DNAH9: variants seen among roughly 807,000 people sequenced by gnomAD.
The protein encoded by DNAH9 is dynein axonemal heavy chain 9.
In DNAH9, 345 loss-of-function variants were observed where a neutral mutation model predicts 471.6. That is an observed-to-expected ratio of 0.73 (90% CI 0.67 to 0.80). DNAH9 has a LOEUF of 0.80. Among genes scored for constraint, DNAH9 ranks in the 30% least tolerant of loss-of-function variants. DNAH9 has a pLI of 0.00. For synonymous variants in DNAH9, 2,093 were observed against 2,123.6 expected (o/e 0.99, Z 0.40); for missense variants, 5,407 against 5,609.2 (o/e 0.96, Z 1.15).
At chr17:11,886,188 G>C (rs1209935300) in intron 56 of DNAH9, among the ~76,000 whole-genome samples, 1 of 152,158 alleles carries the variant, frequency 6.6e-6, no homozygotes, top group Non-Finnish European at 1.5e-5. Context: ...GTCGGGCGTG[G>C]TGGCAGGCGC....
intron 60 of DNAH9, among the ~76,000 whole-genome samples, chr17:11,904,457 C>T (rs1189685184): frequency 1.3e-5 from 2 of 151,728 alleles, no homozygotes; most frequent in Non-Finnish European, 2.9e-5. Context: ...GGTGAAACCC[C>T]GTCTCTACTA....
chr17:11,874,450 G>GA (rs1972397782), intron 52 of DNAH9, among the ~76,000 whole-genome samples: 2 of 152,138 alleles, frequency 1.3e-5, no homozygotes, highest in Non-Finnish European at 2.9e-5. Flanking sequence ...TTGGGGAAGA[G>GA]AAAAAGAAAA....
Position 11,783,644 on chromosome 17 carries a change from A to G in DNAH9, c.7719-2A>G. On this transcript the variant is annotated splice_acceptor_variant, in intron 39 of 68. Transcript: ENST00000262442. LOFTEE classifies it high-confidence loss of function. ...TTCACCTAGAGCTTCTGACTGTTCC[A>G]GGTATGATCGGAGCAAGCTGTCCCT... The G allele has an allele frequency of 1.9e-6, 3 of 1,613,242 alleles. No homozygotes were observed. The highest frequency in any genetic ancestry group is 2.5e-6 in the Non-Finnish European group (3 of 1,179,370).
At chr17:11,704,077 T>G in intron 24 of DNAH9, 126 bp from the exon 25 acceptor site, 4 of 1,052,418 alleles carry the variant, frequency 3.8e-6, no homozygotes, top group Non-Finnish European at 4.3e-6. Context: ...TCAGTGCTGG[T>G]GGAAGAGGGA....
At position 11,727,138 on chromosome 17, in the gene DNAH9, G is replaced by A. The variant is rs147910908; in HGVS notation, c.5710-680G>A. ...TGCATTTCCCTGGCATTTTAATGAC[G>A]TCTCCTTGCCAATGACCTTGTGAGT... On this transcript the variant is annotated intron_variant, in intron 27 of 68. Transcript: ENST00000262442. 2.0e-3 allele frequency among the ~76,000 whole-genome samples: 290 copies of A among 147,882 alleles called. 1 individual carries two copies. Among genetic ancestry groups the A allele is most frequent in the African/African-American group, 6.4e-3 (256 of 39,874 alleles).
chr17:11,719,595 G>A (rs1427914051), intron 27 of DNAH9, 105 bp downstream of exon 27: 1 of 1,087,872 alleles, frequency 9.2e-7, no homozygotes, highest in Admixed American at 2.2e-5. Flanking sequence ...AGCTTCCCCA[G>A]GTCTCGGAGC....
At position 11,756,664 on chromosome 17, in the gene DNAH9, G is replaced by A. The variant is rs149647454; in HGVS notation, c.6835G>A (p.Val2279Ile). ...SHLRTATPATVSRAGILYINP... is the reference protein window; with the variant it reads ...SHLRTATPATISRAGILYINP... Reference sequence around the variant, plus strand: ...CCTGCGCACAGCCACTCCAGCAACTGTCTCTAGAGCAGGTACGGCCCAAGA... The same window carrying A: ...CCTGCGCACAGCCACTCCAGCAACTATCTCTAGAGCAGGTACGGCCCAAGA... Residue 2279 changes from valine to isoleucine, a missense_variant, in exon 34 of 69, where the codon GTC (valine) becomes ATC (isoleucine). By Grantham distance (29) the Val-to-Ile change is conservative. Coordinates refer to ENST00000262442, the MANE Select transcript of DNAH9 (RefSeq NM_001372.4). The A allele has an allele frequency of 3.1e-5, 50 of 1,608,050 alleles. No homozygotes were observed. Among genetic ancestry groups the A allele is most frequent in the Non-Finnish European group, 4.1e-5 (48 of 1,174,532 alleles).
chr17:11,711,895 A>C (rs796918087), intron 26 of DNAH9, among the ~76,000 whole-genome samples: 24 of 2,504 alleles, frequency 9.6e-3, no homozygotes, highest in African/African-American at 0.014. Flanking sequence ...TTTATATATA[A>C]ATATATATAT....
rs183780530 is a variant in DNAH9, at chr17:11,626,671, G to A, written c.1351-2746G>A. On this transcript the variant is annotated intron_variant, in intron 6 of 68. Transcript: ENST00000262442. The surrounding 1 kb of genome is among the most constrained non-coding windows in gnomAD (Gnocchi z 4.3). ...ACTTCTTTGTCCCATTCACTCATTT[G>A]CCTTCATTCTGCCTTCACTGTAGCA... 2.6e-4 allele frequency among the ~76,000 whole-genome samples: 40 copies of A among 152,230 alleles called. No homozygotes were observed. Among genetic ancestry groups the A allele is most frequent in the African/African-American group, 8.7e-4 (36 of 41,542 alleles).
At chr17:11,766,862 C>A (rs540118813) in intron 36 of DNAH9, among the ~76,000 whole-genome samples, 1 of 151,398 alleles carries the variant, frequency 6.6e-6, no homozygotes, top group African/African-American at 2.4e-5. Context: ...CCCAGCTACT[C>A]GGGAGGCTGA....
At chr17:11,843,497 T>A (rs1971099988) in intron 49 of DNAH9, among the ~76,000 whole-genome samples, 1 of 151,994 alleles carries the variant, frequency 6.6e-6, no homozygotes, top group Non-Finnish European at 1.5e-5. Context: ...ACTAGGAGAT[T>A]CAATTTTGTA....
intron 50 of DNAH9, among the ~76,000 whole-genome samples, chr17:11,855,198 A>T (rs1207759743): frequency 1.3e-5 from 2 of 152,162 alleles, no homozygotes; most frequent in African/African-American, 2.4e-5. Context: ...CACTGAGCCC[A>T]GCCCAGAATC....
In DNAH9 at chr17:11,834,799, G is replaced by C; in HGVS notation, c.9408G>C (p.Met3136Ile). 6.2e-7 allele frequency: 1 copy of C among 1,614,142 alleles called. No individual in the cohort carries two copies. The highest frequency in any genetic ancestry group is 2.2e-5 in the East Asian group (1 of 44,886). ...AGGAGCAGAAGGTGGCCGTCATCAT[G>C]CTAGAGGTGAAACAGAAGCAGAAGG... ...DEEEQKVAVI[M>I]LEVKQKQKDC... is the part of the protein sequence containing the mutation. The change falls in exon 49 of 69, where the codon ATG (methionine) becomes ATC (isoleucine). Residue 3136 changes from methionine (M) to isoleucine (I), a missense_variant. Met to Ile is a conservative substitution (Grantham distance 10, BLOSUM62 1). Coordinates refer to ENST00000262442, the MANE Select transcript of DNAH9 (RefSeq NM_001372.4).
At chr17:11,877,473 T>TTAAA (rs1428692448) in intron 53 of DNAH9, among the ~76,000 whole-genome samples, 1 of 68,612 alleles carries the variant, frequency 1.5e-5, no homozygotes, top group Non-Finnish European at 2.5e-5. Context: ...AAACTCTGTC[T>TTAAA]AAAAAAAAAA....
Position 11,664,976 on chromosome 17 carries a change from C to T in DNAH9, c.2731+8C>T. The T allele has an allele frequency of 6.2e-7, 1 of 1,610,462 alleles. No homozygotes were observed. The highest frequency in any genetic ancestry group is 8.5e-7 in the Non-Finnish European group (1 of 1,177,896). On this transcript the variant is annotated splice_region_variant and intron_variant, in intron 15 of 68. Transcript: ENST00000262442. Reference sequence around the variant, plus strand: ...ATCTTCTGGAAAATACTGGTACTTACTGGCTTATGGATGTGGGTTATTATT... The same window carrying T: ...ATCTTCTGGAAAATACTGGTACTTATTGGCTTATGGATGTGGGTTATTATT...
intron 26 of DNAH9, among the ~76,000 whole-genome samples, chr17:11,708,794 G>A (rs547061124): frequency 1.3e-5 from 2 of 152,168 alleles, no homozygotes; most frequent in African/African-American, 2.4e-5. Flanking sequence ...AAGCCATTAT[G>A]TATTTGGGCA....
At chr17:11,745,106 A>G (rs2075500956) in intron 31 of DNAH9, 22 bp downstream of exon 31, 2 of 1,591,060 alleles carry the variant, frequency 1.3e-6, no homozygotes, top group Non-Finnish European at 1.7e-6. Flanking sequence ...TTTTCCTCCC[A>G]GGATTTCTCT....
chr17:11,619,788 G>A lies in DNAH9; in HGVS notation c.1350+7G>A. The A allele has an allele frequency of 6.6e-7, 1 of 1,516,312 alleles. No individual in the cohort carries two copies. The highest frequency in any genetic ancestry group is 9.2e-7 in the Non-Finnish European group (1 of 1,090,842). The allele number at this position is 1,516,312 out of a possible 1,614,324, so 93.9% of individuals were successfully genotyped here. A position where few individuals can be genotyped will look rare whatever the true frequency, so the allele number is the denominator to read the frequency against. ...ACAACTGCACGTGGTGGAGGTGAGT[G>A]CGCACCTCACCTCAGGCTGCCAGCC... On this transcript the variant is annotated splice_region_variant and intron_variant, in intron 6 of 68. Coordinates refer to ENST00000262442, the MANE Select transcript of DNAH9 (RefSeq NM_001372.4).
At chr17:11,891,678 T>A in intron 57 of DNAH9, 99 bp from the exon 58 acceptor site, 1 of 1,438,472 alleles carries the variant, frequency 7.0e-7, no homozygotes, top group South Asian at 1.5e-5. Flanking sequence ...GGAAAAAATT[T>A]CTATGGGCTG....
Sources: gnomAD v4.1 joint callset for allele counts (sites outside exome capture counted in the v4.1 genomes callset) on GRCh38, gnomAD v4.1.1 for gene constraint, Gnocchi (gnomAD v3.1) non-coding constraint, MANE v1.5 for transcripts, NCBI Gene and HGNC (gene_info 2026-07-23, HGNC 2026-07-21) for gene names.